The following GPHN variants were observed in gnomAD, a reference collection of about 807,000 sequenced individuals.
GPHN encodes gephyrin.
In GPHN, 17 loss-of-function variants were observed where a neutral mutation model predicts 95.5. The observed-to-expected ratio is 0.18, with a 90% confidence interval of 0.12 to 0.27. The LOEUF (loss-of-function observed/expected upper bound fraction) is 0.27. Among genes scored for constraint, GPHN ranks in the 10% least tolerant of loss-of-function variants. The pLI is 1.00. For synonymous variants in GPHN, 320 were observed against 322.5 expected, an observed-to-expected ratio of 0.99 and a Z score of 0.08; for missense variants, 660 against 978.1, an observed-to-expected ratio of 0.67 and a Z score of 4.34.
the GPHN span, chr14:67,393,166 A>G: frequency 6.2e-7 from 1 of 1,613,086 alleles, no homozygotes; most frequent in East Asian, 2.2e-5. Flanking sequence ...AGGTCTTTTT[A>G]TAGGTGCTTC....
At chr14:67,211,074 T>C in the GPHN span, among the ~76,000 whole-genome samples, 1 of 152,196 alleles carries the variant, frequency 6.6e-6, no homozygotes, top group Admixed American at 6.5e-5. Context: ...TCTATCTCAT[T>C]AGCTCTATGA....
intron 8 of GPHN, among the ~76,000 whole-genome samples, chr14:66,932,607 CTT>C (rs1009155343): frequency 2.7e-5 from 4 of 150,596 alleles, no homozygotes; most frequent in African/African-American, 9.8e-5. Flanking sequence ...ACAAAGTCCT[CTT>C]TACTTTTCCT....
the GPHN span, among the ~76,000 whole-genome samples, chr14:67,231,743 G>A: frequency 6.0e-4 from 92 of 152,184 alleles, no homozygotes; most frequent in East Asian, 0.013. Context: ...CGAGGTGGGC[G>A]GAGCACTTGA....
chr14:67,504,802 T>C, the GPHN span, among the ~76,000 whole-genome samples: 2 of 152,260 alleles, frequency 1.3e-5, no homozygotes, highest in African/African-American at 4.8e-5. Context: ...GGAGAATCTC[T>C]TGAACTTGAG....
intron 12 of GPHN, among the ~76,000 whole-genome samples, chr14:67,095,320 C>A (rs574908904): frequency 1.3e-5 from 2 of 152,314 alleles, no homozygotes; most frequent in Admixed American, 1.3e-4. Context: ...TTTAGAATCT[C>A]ACTGTTGGTG....
chr14:66,769,261 T>G (rs142156299), intron 2 of GPHN, among the ~76,000 whole-genome samples: 1 of 152,132 alleles, frequency 6.6e-6, no homozygotes, highest in Non-Finnish European at 1.5e-5. Context: ...TTATCTGATA[T>G]AGTTTTAAAA....
the GPHN span, chr14:67,292,495 TTTC>T: frequency 2.2e-5 from 34 of 1,555,186 alleles, no homozygotes; most frequent in African/African-American, 2.6e-4. Context: ...TTGGATACCT[TTTC>T]TTCTTCTACT....
intron 12 of GPHN, among the ~76,000 whole-genome samples, chr14:67,100,236 G>T (rs540464697): frequency 6.6e-6 from 1 of 152,080 alleles, no homozygotes; most frequent in Non-Finnish European, 1.5e-5. Flanking sequence ...CCATTAACCA[G>T]AAATTGTTCA....
At chr14:67,610,096 G>A in the GPHN span, among the ~76,000 whole-genome samples, 3 of 151,664 alleles carry the variant, frequency 2.0e-5, no homozygotes, top group African/African-American at 4.9e-5. Flanking sequence ...TGGCTGCTTC[G>A]AGGGTTGCCA....
At chr14:67,540,815 T>G in the GPHN span, among the ~76,000 whole-genome samples, 3 of 152,132 alleles carry the variant, frequency 2.0e-5, no homozygotes, top group Non-Finnish European at 4.4e-5. Context: ...CCAGGCATTC[T>G]CTCCTGCTTG....
chr14:67,075,615 T>G lies in GPHN; in HGVS notation c.1145-13368T>G, dbSNP rs555543869. Among the ~76,000 whole-genome samples the G allele has an allele frequency of 2.6e-5, 4 of 152,300 alleles. No homozygotes were observed. The East Asian group carries it at 7.7e-4, about 29-fold the overall frequency. On this transcript the variant is annotated intron_variant, in intron 11 of 22. Transcript: ENST00000478722. ...CATTCTAGATGTCATTAAGAGCATT[T>G]ATGATTCACGGGAGGAGGTCAAATA...
chr14:67,727,560 G>T, the GPHN span: 1 of 288,662 alleles, frequency 3.5e-6, no homozygotes, highest in Non-Finnish European at 6.7e-6. Context: ...TTGGCTCACT[G>T]CGACCTCTGC....
chr14:67,384,884 G>C, the GPHN span: 1 of 152,138 alleles, frequency 6.6e-6, no homozygotes, highest in African/African-American at 2.4e-5. Context: ...TCTGTCTGTT[G>C]AGGCATCAAA....
At chr14:66,663,443 A>G (rs548253447) in intron 1 of GPHN, among the ~76,000 whole-genome samples, 16 of 152,340 alleles carry the variant, frequency 1.1e-4, no homozygotes, top group Non-Finnish European at 1.3e-4. Flanking sequence ...ATTTGTTACC[A>G]CCACACCTGC....
At chr14:67,083,126 G>T (rs745922192) in intron 11 of GPHN, among the ~76,000 whole-genome samples, 1 of 152,106 alleles carries the variant, frequency 6.6e-6, no homozygotes, top group Non-Finnish European at 1.5e-5. Flanking sequence ...AATAAAAATT[G>T]CAATTCTTTC....
At chr14:66,894,167 T>C (rs1330114823) in intron 5 of GPHN, among the ~76,000 whole-genome samples, 2 of 152,116 alleles carry the variant, frequency 1.3e-5, no homozygotes, top group Admixed American at 1.3e-4. Context: ...AACAGAGATA[T>C]AGACCACTGG....
the GPHN span, among the ~76,000 whole-genome samples, chr14:67,322,280 G>A: frequency 3.3e-5 from 5 of 152,198 alleles, no homozygotes; most frequent in Admixed American, 6.5e-5. Flanking sequence ...CCAGGGAGGC[G>A]GAGATTGCAG....
chr14:66,541,186 G>A (rs1444800468), intron 1 of GPHN, among the ~76,000 whole-genome samples: 1 of 152,266 alleles, frequency 6.6e-6, no homozygotes, highest in South Asian at 2.1e-4. Flanking sequence ...GGCTTCAAGC[G>A]ATCCACCCAC....
chr14:66,763,331 C>T (rs1189595799), intron 2 of GPHN, among the ~76,000 whole-genome samples: 7 of 146,064 alleles, frequency 4.8e-5, no homozygotes, highest in Non-Finnish European at 1.5e-5. Flanking sequence ...TGCTGGTGCA[C>T]TGCACCCACT....
Sources: gnomAD v4.1 joint callset for allele counts (sites outside exome capture counted in the v4.1 genomes callset) on GRCh38, gnomAD v4.1.1 for gene constraint, MANE v1.5 for transcripts, NCBI Gene and HGNC (gene_info 2026-07-23, HGNC 2026-07-21) for gene names.